Variants in SCAPER observed in about 807,000 individuals in gnomAD.
The protein encoded by SCAPER is S phase cyclin A-associated protein in the endoplasmic reticulum.
A neutral mutation model predicts 182.2 loss-of-function variants in SCAPER; 98 were observed. The observed-to-expected ratio is 0.54, with a 90% CI of 0.46 to 0.64. The LOEUF is 0.64. SCAPER is among the 30% of genes least tolerant of loss of function. The pLI, the probability that SCAPER is intolerant of heterozygous loss-of-function variation, is 0.00. For missense variants in SCAPER, 1,432 were observed against 1,690.0 expected (o/e 0.85, Z 2.68); for synonymous variants, 605 against 564.6 (o/e 1.07, Z -1.01).
intron 17 of SCAPER, among the ~76,000 whole-genome samples, chr15:76,717,412 A>C (rs1222522067): frequency 2.0e-5 from 3 of 152,184 alleles, no homozygotes; most frequent in Admixed American, 2.0e-4. Context: ...TGGTATGTAA[A>C]CCACACGTAT....
intron 15 of SCAPER, among the ~76,000 whole-genome samples, chr15:76,747,998 T>TC (rs2061888356): frequency 6.6e-6 from 1 of 151,312 alleles, no homozygotes; most frequent in Non-Finnish European, 1.5e-5. Context: ...TTTTTTTCCT[T>TC]TTTTTTTTTG....
intron 20 of SCAPER, among the ~76,000 whole-genome samples, chr15:76,666,088 A>G (rs1015882535): frequency 2.0e-5 from 3 of 152,208 alleles, no homozygotes; most frequent in African/African-American, 4.8e-5. Flanking sequence ...TCACAAAACT[A>G]TAATATCATC....
intron 5 of SCAPER, among the ~76,000 whole-genome samples, chr15:76,817,168 T>C (rs1278731527): frequency 2.6e-5 from 4 of 152,232 alleles, no homozygotes; most frequent in Non-Finnish European, 5.9e-5. Flanking sequence ...GAACCACCAT[T>C]GTAGGTCAGC....
chr15:76,865,069 GAATT>G (rs2072169853), intron 2 of SCAPER, among the ~76,000 whole-genome samples: 1 of 151,986 alleles, frequency 6.6e-6, no homozygotes, highest in Non-Finnish European at 1.5e-5. Context: ...CACTGATACA[GAATT>G]ATTATTTAAA....
chr15:76,668,076 T>C (rs1231874675), intron 20 of SCAPER, among the ~76,000 whole-genome samples: 1 of 152,228 alleles, frequency 6.6e-6, no homozygotes. Flanking sequence ...TTTATATACA[T>C]CAAATTGTTC....
chr15:76,754,910 G>A (rs1185396069), intron 14 of SCAPER, among the ~76,000 whole-genome samples: 3 of 152,112 alleles, frequency 2.0e-5, no homozygotes, highest in Non-Finnish European at 4.4e-5. Context: ...ACATCATAGA[G>A]TTATTGTGGT....
chr15:76,778,900 G>C (rs895014614), intron 8 of SCAPER, among the ~76,000 whole-genome samples: 1 of 151,914 alleles, frequency 6.6e-6, no homozygotes, highest in East Asian at 1.9e-4. Flanking sequence ...GAAAGTAAAA[G>C]AACAGAAAAG....
intron 23 of SCAPER, among the ~76,000 whole-genome samples, chr15:76,514,007 G>A (rs566651951): frequency 4.6e-5 from 7 of 152,240 alleles, no homozygotes; most frequent in Admixed American, 6.5e-5. Context: ...GTAGTAGACT[G>A]TAAAGCCTAT....
At chr15:76,436,280 C>A (rs2047192750) in intron 25 of SCAPER, among the ~76,000 whole-genome samples, 1 of 152,164 alleles carries the variant, frequency 6.6e-6, no homozygotes, top group South Asian at 2.1e-4. Context: ...GTTGGCCAGG[C>A]TAGTCTTGAA....
At chr15:76,732,766 T>C (rs866611405) in intron 16 of SCAPER, among the ~76,000 whole-genome samples, 1 of 152,230 alleles carries the variant, frequency 6.6e-6, no homozygotes, top group Non-Finnish European at 1.5e-5. Flanking sequence ...TCCACTTTCA[T>C]GTTCCATCCT....
chr15:76,861,365 C>A (rs2071849267), intron 3 of SCAPER, among the ~76,000 whole-genome samples: 1 of 152,198 alleles, frequency 6.6e-6, no homozygotes, highest in East Asian at 1.9e-4. Context: ...TTATCACGAA[C>A]CTCCTCTGAT....
chr15:76,839,203 G>A (rs1308449078), intron 5 of SCAPER, among the ~76,000 whole-genome samples: 1 of 152,202 alleles, frequency 6.6e-6, no homozygotes, highest in Non-Finnish European at 1.5e-5. Flanking sequence ...TACTTACCAT[G>A]TGAATTACAT....
chr15:76,471,461 C>G (rs1267473613), intron 24 of SCAPER, 126 bp from the exon 25 acceptor site: 4 of 1,074,568 alleles, frequency 3.7e-6, no homozygotes, highest in East Asian at 3.0e-5. Context: ...AAAAACCAAG[C>G]CAAATACTAT....
intron 24 of SCAPER, among the ~76,000 whole-genome samples, chr15:76,476,537 T>C (rs2050644081): frequency 6.6e-6 from 1 of 151,704 alleles, no homozygotes; most frequent in African/African-American, 2.4e-5. Flanking sequence ...CAAGTGATGC[T>C]TCTACCTCAG....
intron 15 of SCAPER, among the ~76,000 whole-genome samples, chr15:76,746,829 T>C (rs1416090846): frequency 6.6e-6 from 1 of 152,204 alleles, no homozygotes; most frequent in Non-Finnish European, 1.5e-5. Flanking sequence ...AATACTTGTA[T>C]GTTAAAAACA....
intron 22 of SCAPER, among the ~76,000 whole-genome samples, chr15:76,585,253 C>A (rs978172006): frequency 1.3e-5 from 2 of 151,906 alleles, no homozygotes; most frequent in Non-Finnish European, 2.9e-5. Flanking sequence ...AGTAGACATT[C>A]AATAAATGGT....
intron 23 of SCAPER, among the ~76,000 whole-genome samples, chr15:76,553,314 C>A (rs1249856620): frequency 6.6e-6 from 1 of 152,234 alleles, no homozygotes; most frequent in African/African-American, 2.4e-5. Flanking sequence ...TATATGGACA[C>A]CGGTGCCCCT....
intron 23 of SCAPER, among the ~76,000 whole-genome samples, chr15:76,560,206 G>A (rs1052908794): frequency 3.9e-5 from 6 of 152,074 alleles, no homozygotes; most frequent in Admixed American, 3.9e-4. Flanking sequence ...CTCTAATCTT[G>A]GAAATGGAAT....
chr15:76,364,862 A>C (rs1261535900), intron 29 of SCAPER, among the ~76,000 whole-genome samples: 1 of 151,778 alleles, frequency 6.6e-6, no homozygotes, highest in Non-Finnish European at 1.5e-5. Context: ...GTCCCTCCTG[A>C]CCTGGACCCT....
Sources: allele counts gnomAD v4.1 joint callset (sites outside exome capture counted in the v4.1 genomes callset), GRCh38; gene constraint gnomAD v4.1.1; transcripts MANE v1.5; gene names NCBI Gene and HGNC (gene_info 2026-07-23, HGNC 2026-07-21).